The following OR2L13 variants were observed in gnomAD, a reference collection of about 807,000 sequenced individuals.
OR2L13 encodes the protein olfactory receptor family 2 subfamily L member 13.
Under a neutral mutation model 15.3 loss-of-function variants are expected in OR2L13, and 14 were observed. That is an observed-to-expected ratio of 0.91 (90% CI 0.60 to 1.43). OR2L13 has a LOEUF of 1.43. Among genes scored for constraint, OR2L13 ranks in the 40% most tolerant of loss-of-function variants. The pLI is 0.00. For synonymous variants in OR2L13, 152 were observed against 142.9 expected (o/e 1.06, Z -0.45); for missense variants, 367 against 387.9 (o/e 0.95, Z 0.45).
the OR2L13 span, among the ~76,000 whole-genome samples, chr1:248,009,031 T>C: frequency 6.6e-6 from 1 of 152,112 alleles, no homozygotes; most frequent in Admixed American, 6.6e-5. Context: ...GGGACACAGC[T>C]AAAGCAGTGG....
chr1:247,996,049 C>T, the OR2L13 span, among the ~76,000 whole-genome samples: 1 of 152,200 alleles, frequency 6.6e-6, no homozygotes, highest in Non-Finnish European at 1.5e-5. Flanking sequence ...CTTAAAAATG[C>T]CATCCCCAAG....
At chr1:248,067,814 G>A in the OR2L13 span, among the ~76,000 whole-genome samples, 1 of 152,220 alleles carries the variant, frequency 6.6e-6, no homozygotes, top group Non-Finnish European at 1.5e-5. Flanking sequence ...TTTCCGACGG[G>A]CTTAAAAAAC....
chr1:247,964,901 CAT>C, the OR2L13 span, among the ~76,000 whole-genome samples: 1 of 147,910 alleles, frequency 6.8e-6, no homozygotes, highest in Non-Finnish European at 1.5e-5. Flanking sequence ...ATATAATATT[CAT>C]AAATACACAT....
chr1:248,044,521 C>CAAGTGTCTCCAGAAGGCTGATTTGAA, the OR2L13 span, among the ~76,000 whole-genome samples: 2 of 133,770 alleles, frequency 1.5e-5, no homozygotes, highest in African/African-American at 3.8e-5. Context: ...ACGCCTTCCC[C>CAAGTGTCTCCAGAAGGCTGATTTGAA]GGCCGGGCGC....
At chr1:247,965,077 G>C in the OR2L13 span, among the ~76,000 whole-genome samples, 180 of 150,732 alleles carry the variant, frequency 1.2e-3, 5 homozygotes, top group East Asian at 0.031. Flanking sequence ...ATATGTATAT[G>C]TACATATACT....
chr1:248,043,633 G>A, the OR2L13 span, among the ~76,000 whole-genome samples: 6 of 152,116 alleles, frequency 3.9e-5, no homozygotes, highest in African/African-American at 1.4e-4. Context: ...AAGGGGTCCT[G>A]ATCCAGACCC....
chr1:248,026,703 T>C, the OR2L13 span, among the ~76,000 whole-genome samples: 1 of 152,222 alleles, frequency 6.6e-6, no homozygotes, highest in African/African-American at 2.4e-5. Flanking sequence ...TTTTATAATT[T>C]CTTACCCCTG....
chr1:247,953,516 G>A, the OR2L13 span, among the ~76,000 whole-genome samples: 4 of 152,134 alleles, frequency 2.6e-5, no homozygotes, highest in Non-Finnish European at 5.9e-5. Flanking sequence ...ATCACAAGAA[G>A]CTGTGGTTCA....
the OR2L13 span, chr1:248,084,508 A>G: frequency 6.8e-6 from 11 of 1,613,136 alleles, no homozygotes; most frequent in African/African-American, 1.5e-4. Flanking sequence ...AACGATACTC[A>G]GAACCATCAT....
At chr1:248,095,623 T>TTTTTTTTTTTTTTC (rs1037934922), upstream of OR2L13, among the ~76,000 whole-genome samples, 4 of 130,464 alleles carry the variant, frequency 3.1e-5, no homozygotes, top group African/African-American at 1.1e-4. Context: ...TTTTTTTTTT[T>TTTTTTTTTTTTTTC]TGAGATGGAG....
chr1:247,974,019 G>C, the OR2L13 span, among the ~76,000 whole-genome samples: 1 of 152,130 alleles, frequency 6.6e-6, no homozygotes, highest in Admixed American at 6.5e-5. Flanking sequence ...CTAAGGCTGG[G>C]AACCAACCCA....
the OR2L13 span, among the ~76,000 whole-genome samples, chr1:248,067,999 GA>G: frequency 6.6e-6 from 1 of 152,208 alleles, no homozygotes; most frequent in Non-Finnish European, 1.5e-5. Flanking sequence ...CGGGAAGCTC[GA>G]ACTGGGTGGA....
chr1:248,042,508 T>TA, the OR2L13 span, among the ~76,000 whole-genome samples: 1 of 150,938 alleles, frequency 6.6e-6, no homozygotes, highest in Admixed American at 6.6e-5. Context: ...AGTACAATAA[T>TA]AAAAAATAAA....
chr1:247,976,062 C>T, the OR2L13 span, among the ~76,000 whole-genome samples: 139,360 of 152,214 alleles, frequency 0.92, 64,988 homozygotes, highest in East Asian at 1. Flanking sequence ...TTCTCTCAAC[C>T]GGTGGGTATA....
the OR2L13 span, among the ~76,000 whole-genome samples, chr1:248,081,310 C>G: frequency 6.6e-6 from 1 of 152,052 alleles, no homozygotes; most frequent in Non-Finnish European, 1.5e-5. Context: ...TTCTTTGAAA[C>G]ATATTTCTAT....
At chr1:248,071,261 C>A in the OR2L13 span, among the ~76,000 whole-genome samples, 1 of 152,046 alleles carries the variant, frequency 6.6e-6, no homozygotes. Flanking sequence ...AGCAGCACAT[C>A]AAAAAGCTTA....
the OR2L13 span, among the ~76,000 whole-genome samples, chr1:247,994,257 C>T: frequency 3.3e-4 from 50 of 152,174 alleles, no homozygotes; most frequent in African/African-American, 9.6e-4. Flanking sequence ...ATTAGCCGGG[C>T]GTGGTGGCGG....
At chr1:248,047,902 C>T in the OR2L13 span, among the ~76,000 whole-genome samples, 3 of 152,172 alleles carry the variant, frequency 2.0e-5, no homozygotes, top group Non-Finnish European at 4.4e-5. Context: ...TATGTCACAG[C>T]TTCTAATAAC....
At chr1:247,982,036 C>T in the OR2L13 span, among the ~76,000 whole-genome samples, 5,825 of 152,112 alleles carry the variant, frequency 0.038, 342 homozygotes, top group African/African-American at 0.13. Flanking sequence ...AGGATGGTCT[C>T]AATCTCCTGA....
Sources: allele counts gnomAD v4.1 joint callset (sites outside exome capture counted in the v4.1 genomes callset), GRCh38; gene constraint gnomAD v4.1.1; transcripts MANE v1.5; gene names NCBI Gene and HGNC (gene_info 2026-07-23, HGNC 2026-07-21).